Variants in GGT7 observed in about 807,000 individuals in gnomAD.
GGT7 encodes glutathione hydrolase 7.
Under a neutral mutation model 69.2 loss-of-function variants are expected in GGT7, and 30 were observed. That is an observed-to-expected ratio of 0.43 (90% CI 0.32 to 0.59). GGT7 has a LOEUF of 0.59. GGT7 is among the 20% of genes least tolerant of loss of function. The pLI, the probability that GGT7 is intolerant of heterozygous loss-of-function variation, is 0.05. For synonymous variants in GGT7, 388 were observed against 391.8 expected, an observed-to-expected ratio of 0.99 and a Z score of 0.12; for missense variants, 733 against 901.1, an observed-to-expected ratio of 0.81 and a Z score of 2.39.
At chr20:34,858,306 G>A (rs1005790757) in intron 7 of GGT7, among the ~76,000 whole-genome samples, 2 of 152,182 alleles carry the variant, frequency 1.3e-5, no homozygotes, top group African/African-American at 4.8e-5. Context: ...AAGAGAAAGA[G>A]GGAGAGCAAA....
chr20:34,849,889 G>A, intron 14 of GGT7, 72 bp downstream of exon 14: 2 of 856,028 alleles, frequency 2.3e-6, no homozygotes, highest in Non-Finnish European at 3.7e-6. Flanking sequence ...TTGAGGCATG[G>A]GCACCCTTGG....
At position 34,859,652 on chromosome 20, in the gene GGT7, A is replaced by G; in HGVS notation, c.818-13T>C. The G allele has an allele frequency of 6.3e-7, 1 of 1,576,192 alleles. No individual in the cohort carries two copies. The highest frequency in any genetic ancestry group is 8.6e-7 in the Non-Finnish European group (1 of 1,158,182). On this transcript the variant is annotated splice_polypyrimidine_tract_variant and intron_variant, in intron 6 of 14. Coordinates refer to ENST00000336431, the MANE Select transcript of GGT7 (RefSeq NM_178026.3). ...GCCAGGGCACGGGCTAGGGGCAGGG[A>G]CGGGAGGCTGGGCAGGGCGGGACGC...
At chr20:34,868,162 G>A (rs574644818) in intron 1 of GGT7, among the ~76,000 whole-genome samples, 34 of 152,300 alleles carry the variant, frequency 2.2e-4, no homozygotes, top group Admixed American at 6.5e-4. Context: ...CACTGTGCCC[G>A]GCCCTAGGTA....
intron 13 of GGT7, chr20:34,850,347 C>T: frequency 1.8e-6 from 1 of 560,698 alleles, no homozygotes; most frequent in South Asian, 1.8e-5. Flanking sequence ...GCCCGGGGCT[C>T]CCTTCTTTTC....
chr20:34,852,933 A>AT lies in GGT7; in HGVS notation c.1320-396dup, dbSNP rs773397646. On this transcript the variant is annotated intron_variant, in intron 10 of 14. Transcript: ENST00000336431. ...TTATTAAGAGTTTAGTTGGGGGAGG[A>AT]TTTTGTATATGAGGATTTTTTTTTT... 1.5e-3 allele frequency among the ~76,000 whole-genome samples: 221 copies of AT among 148,252 alleles called. 1 individual carries two copies. The highest frequency in any genetic ancestry group is 3.0e-3 in the Non-Finnish European group (197 of 66,112).
chr20:34,852,110 C>G, intron 12 of GGT7, 45 bp downstream of exon 12: 1 of 1,143,664 alleles, frequency 8.7e-7, no homozygotes, highest in Non-Finnish European at 1.3e-6. Flanking sequence ...CACCTCCTAC[C>G]TATAGGCCTC....
At position 34,859,602 on chromosome 20, in the gene GGT7, G is replaced by A. The variant is rs762799045; in HGVS notation, c.855C>T (p.Ser285=). ...GCAGGAACGTCTCCCGGAAGCGCTC[G>A]GACATGTTGGGTGGCAGCTGTTCAG... ...ALAEQLPPNM[S]ERFRETFLPS... is the part of the protein sequence containing the mutation. The change falls in exon 7 of 15, where the codon TCC becomes TCT. Residue 285 remains serine, a synonymous_variant. Coordinates refer to ENST00000336431, the MANE Select transcript of GGT7 (RefSeq NM_178026.3). 1.1e-5 allele frequency: 17 copies of A among 1,599,758 alleles called. No individual in the cohort carries two copies. The highest frequency in any genetic ancestry group is 4.0e-5 in the African/African-American group (3 of 74,888).
intron 8 of GGT7, among the ~76,000 whole-genome samples, chr20:34,855,764 C>T (rs151037330): frequency 2.6e-4 from 34 of 132,010 alleles, no homozygotes; most frequent in Middle Eastern, 7.6e-3. Flanking sequence ...CTAGCTCCAA[C>T]GCTACGCTTG....
intron 8 of GGT7, among the ~76,000 whole-genome samples, chr20:34,855,203 C>T (rs1229745551): frequency 6.6e-6 from 1 of 152,198 alleles, no homozygotes; most frequent in South Asian, 2.1e-4. Flanking sequence ...CAGAGTCACA[C>T]TGCAGGCTAT....
At chr20:34,865,407 C>T (rs1213850466) in intron 1 of GGT7, among the ~76,000 whole-genome samples, 3 of 152,168 alleles carry the variant, frequency 2.0e-5, no homozygotes, top group African/African-American at 7.2e-5. Context: ...CCAGGCTGGT[C>T]TCAAACTCCT....
intron 1 of GGT7, among the ~76,000 whole-genome samples, chr20:34,871,970 C>G (rs930060767): frequency 2.6e-5 from 4 of 152,122 alleles, no homozygotes. Flanking sequence ...CTGAGGGGAA[C>G]ACAGTAAAAT....
chr20:34,854,487 C>T, intron 10 of GGT7, 44 bp downstream of exon 10: 1 of 1,196,220 alleles, frequency 8.4e-7, no homozygotes, highest in Non-Finnish European at 1.2e-6. Flanking sequence ...TTTCCCCACA[C>T]CCACCGCTGC....
chr20:34,845,362 C>T lies in GGT7; in HGVS notation c.1955G>A (p.Arg652Gln), dbSNP rs778765240. 9.3e-6 allele frequency: 15 copies of T among 1,613,940 alleles called. No homozygotes were observed. Among genetic ancestry groups the T allele is most frequent in the South Asian group, 7.7e-5 (7 of 91,058 alleles). Residue 652 changes from arginine to glutamine, a missense_variant, in exon 15 of 15, where the codon CGG becomes CAG. Physicochemically the swap from Arg to Gln is conservative, Grantham distance 43. Coordinates refer to ENST00000336431, the MANE Select transcript of GGT7 (RefSeq NM_178026.3). ...NNFIIAVKDPRSPDAAGATIL is the reference protein window; with the variant it reads ...NNFIIAVKDPQSPDAAGATIL ...GGTGGCTCCAGCTGCATCTGGGCTCCGAGGGTCCTTAACAGCGATGATGAA... is the reference window on the plus strand; with the variant it reads ...GGTGGCTCCAGCTGCATCTGGGCTCTGAGGGTCCTTAACAGCGATGATGAA...
rs1234004883 is a variant in GGT7 at position 34,845,091 on chromosome 20, C to CT, written c.*236dup. The CT allele has an allele frequency of 3.6e-6, 2 of 555,720 alleles. No homozygotes were observed. Among genetic ancestry groups the CT allele is most frequent in the Admixed American group, 6.6e-5 (2 of 30,458 alleles). The allele number at this position is 555,720 out of a possible 1,614,324, so 34.4% of individuals were successfully genotyped here. A position where few individuals can be genotyped will look rare whatever the true frequency, so the allele number is the denominator to read the frequency against. ...ATTCCTCAAGGTCCTGCCTGCCTGG[C>CT]TGTACTGTAGATGCTGACACTCACC... On this transcript the variant is annotated 3_prime_UTR_variant, in exon 15 of 15. Transcript: ENST00000336431.
At position 34,872,787 on chromosome 20, in the gene GGT7, T is replaced by G. The variant is rs750714452; in HGVS notation, c.29A>C (p.Glu10Ala). ...TGGCGAGTAGGCGCCCAGGGCGCTC[T>G]CCTGGCTGGCCTCGTTCTCCGCCGC... MAAENEASQ[E>A]SALGAYSPVD... is the part of the protein sequence containing the mutation. The change falls in exon 1 of 15, where the codon GAG (glutamate) becomes GCG (alanine). Residue 10 changes from glutamate (E) to alanine (A), a missense_variant. Physicochemically the swap from Glu to Ala is moderately radical, Grantham distance 107. Transcript: ENST00000336431. 1 of 1,395,310 alleles carries G rather than the reference T, an allele frequency of 7.2e-7. No individual in the cohort carries two copies. Among genetic ancestry groups the G allele is most frequent in the Non-Finnish European group, 9.4e-7 (1 of 1,068,224 alleles). 86.4% of individuals were successfully genotyped at this position (1,395,310 alleles called of 1,614,324 possible). A position where few individuals can be genotyped will look rare whatever the true frequency, so the allele number is the denominator to read the frequency against.
At position 34,850,443 on chromosome 20, in the gene GGT7, G is replaced by A. The variant is rs368059121; in HGVS notation, c.1726-383C>T. On this transcript the variant is annotated intron_variant, in intron 13 of 14. Coordinates refer to ENST00000336431, the MANE Select transcript of GGT7 (RefSeq NM_178026.3). ...AACTTAGTGGTTAGGAGTGTGCGTA[G>A]GCTCTGGAACCAAACTGCCTCCCTG... 2.6e-5 allele frequency among the ~76,000 whole-genome samples: 4 copies of A among 152,160 alleles called. No individual in the cohort carries two copies. In the East Asian group the frequency reaches 5.8e-4, roughly 22 times the overall value.
intron 7 of GGT7, among the ~76,000 whole-genome samples, chr20:34,857,658 C>A (rs1284644221): frequency 6.8e-6 from 1 of 146,386 alleles, no homozygotes; most frequent in Non-Finnish European, 1.5e-5. Flanking sequence ...CATTCTGTCG[C>A]CCAGGCTGGA....
At chr20:34,866,313 C>T (rs1156611688) in intron 1 of GGT7, among the ~76,000 whole-genome samples, 2 of 152,042 alleles carry the variant, frequency 1.3e-5, no homozygotes, top group East Asian at 1.9e-4. Flanking sequence ...CGGGAGTGCT[C>T]GTGCATGCCT....
intron 1 of GGT7, chr20:34,872,446 G>T: frequency 2.4e-6 from 1 of 420,672 alleles, no homozygotes; most frequent in Non-Finnish European, 4.2e-6. Flanking sequence ...CATCCTCTCC[G>T]TTGTCGCATC....
Sources: gnomAD v4.1 joint callset for allele counts (sites outside exome capture counted in the v4.1 genomes callset) on GRCh38, gnomAD v4.1.1 for gene constraint, MANE v1.5 for transcripts, NCBI Gene and HGNC (gene_info 2026-07-23, HGNC 2026-07-21) for gene names.